The following CDC6 variants were observed in gnomAD, a reference collection of about 807,000 sequenced individuals.
CDC6 encodes the protein DNA replication factor CDC6.
CDC6 carries 46 observed loss-of-function variants against 60.2 expected under a neutral mutation model. The observed-to-expected ratio is 0.76, with a 90% CI of 0.60 to 0.98. CDC6 has a LOEUF of 0.98. Ranked by LOEUF, CDC6 falls within the 50% of genes least tolerant of loss-of-function variation. CDC6 has a pLI of 0.00. For synonymous variants in CDC6, 210 were observed against 233.2 expected (o/e 0.90, Z 0.90); for missense variants, 596 against 652.9 (o/e 0.91, Z 0.95).
Position 40,295,370 on chromosome 17 carries a change from G to C in CDC6, c.1098G>C (p.Gln366His). The C allele has an allele frequency of 6.2e-7, 1 of 1,611,802 alleles. No individual in the cohort carries two copies. The highest frequency in any genetic ancestry group is 8.5e-7 in the Non-Finnish European group (1 of 1,177,998). ...QDRLNQVSRD[Q>H]VLDNAAVQFC... ...CTTGTCTGAAGGTATCTAGAGATCA[G>C]GTTCTGGACAATGCTGCAGTTCAAT... Residue 366 changes from glutamine to histidine, a missense_variant, in exon 8 of 12, where the codon CAG (glutamine) becomes CAC (histidine). Coordinates refer to ENST00000209728, the MANE Select transcript of CDC6 (RefSeq NM_001254.4).
chr17:40,301,496 G>A lies in CDC6; in HGVS notation c.1481G>A (p.Arg494His), dbSNP rs760577823. 1.9e-6 allele frequency: 3 copies of A among 1,613,844 alleles called. No individual in the cohort carries two copies. The highest frequency in any genetic ancestry group is 2.5e-6 in the Non-Finnish European group (3 of 1,179,754). Residue 494 changes from arginine to histidine, a missense_variant, in exon 11 of 12, where the codon CGC becomes CAC. Arg to His is a conservative substitution (Grantham distance 29). Transcript: ENST00000209728. Reference sequence around the variant, plus strand: ...TATGAAGCCTACAGTAAAGTCTGTCGCAAACAGCAGGTGGCGGCTGTGGAC... The same window carrying A: ...TATGAAGCCTACAGTAAAGTCTGTCACAAACAGCAGGTGGCGGCTGTGGAC... ...KLYEAYSKVC[R>H]KQQVAAVDQS... is the part of the protein sequence containing the mutation.
At chr17:40,288,318 G>A (rs940755056) in intron 1 of CDC6, among the ~76,000 whole-genome samples, 8 of 152,208 alleles carry the variant, frequency 5.3e-5, no homozygotes, top group African/African-American at 1.9e-4. Flanking sequence ...GCTTGGGATA[G>A]AAGAGACTAA....
chr17:40,291,395 C>T (rs1217331190), intron 3 of CDC6, 56 bp downstream of exon 3: 3 of 1,610,972 alleles, frequency 1.9e-6, no homozygotes, highest in Non-Finnish European at 1.7e-6. Flanking sequence ...GCTGATGACT[C>T]CAAATGAAAC....
chr17:40,294,101 T>A, intron 6 of CDC6, 45 bp downstream of exon 6: 1 of 1,382,078 alleles, frequency 7.2e-7, no homozygotes. Context: ...CTAAAGTATT[T>A]TTTAAGAATA....
chr17:40,304,011 C>A lies in CDC6; in HGVS notation c.*2010C>A, dbSNP rs1029640803. ...CTTGAGTCAGGAACATGGCTTGACT[C>A]GCAGTGGGGCTGCTATGTATCCTCC... On this transcript the variant is annotated 3_prime_UTR_variant, in exon 12 of 12. Coordinates refer to ENST00000209728, the MANE Select transcript of CDC6 (RefSeq NM_001254.4). 1 of 152,250 alleles carries A rather than the reference C, an allele frequency of 6.6e-6. No homozygotes were observed. The highest frequency in any genetic ancestry group is 1.5e-5 in the Non-Finnish European group (1 of 68,066). 9.4% of individuals were successfully genotyped at this position (152,250 alleles called of 1,614,324 possible).
At chr17:40,290,244 G>C (rs183674848) in intron 2 of CDC6, among the ~76,000 whole-genome samples, 1 of 152,136 alleles carries the variant, frequency 6.6e-6, no homozygotes, top group East Asian at 1.9e-4. Context: ...AAACAAAAAC[G>C]TGACATGATG....
chr17:40,302,997 TG>T lies in CDC6; in HGVS notation c.*997del, dbSNP rs1023091083. On this transcript the variant is annotated 3_prime_UTR_variant, in exon 12 of 12. Transcript: ENST00000209728. Reference sequence around the variant, plus strand: ...TCAATGTGAAAATTCCTTCCTAGGCTGTCCCACAGTCTTTGCTGCCCTTAGA... The same window carrying T: ...TCAATGTGAAAATTCCTTCCTAGGCTTCCCACAGTCTTTGCTGCCCTTAGA... 2.0e-5 allele frequency: 3 copies of T among 152,248 alleles called. No homozygotes were observed. Among genetic ancestry groups the T allele is most frequent in the African/African-American group, 7.2e-5 (3 of 41,478 alleles). The allele number at this position is 152,248 out of a possible 1,614,324, so 9.4% of individuals were successfully genotyped here.
At chr17:40,301,823 A>G in intron 11 of CDC6, 89 bp from the exon 12 acceptor site, 1 of 1,031,324 alleles carries the variant, frequency 9.7e-7, no homozygotes, top group Non-Finnish European at 1.5e-6. Context: ...CTTTTGTGAG[A>G]AAAAGTTTAA....
Position 40,300,245 on chromosome 17 carries a change from T to C in CDC6, c.1250-583T>C, listed in dbSNP as rs578016935. Among the ~76,000 whole-genome samples the C allele has an allele frequency of 3.8e-3, 575 of 152,362 alleles. 5 individuals carry two copies. The highest frequency in any genetic ancestry group is 0.013 in the African/African-American group (552 of 41,580). On this transcript the variant is annotated intron_variant, in intron 9 of 11. Coordinates refer to ENST00000209728, the MANE Select transcript of CDC6 (RefSeq NM_001254.4). ...TCCCAAAGTGCTGGGATTACAGGCG[T>C]GAGCCACTGCACCTGGCCTTTTTTT...
intron 4 of CDC6, among the ~76,000 whole-genome samples, chr17:40,292,967 G>C (rs772611045): frequency 2.0e-5 from 3 of 151,844 alleles, no homozygotes; most frequent in Non-Finnish European, 2.9e-5. Context: ...GGCCTGGTGC[G>C]GTGGCTCACA....
Position 40,296,767 on chromosome 17 carries a change from T to C in CDC6, c.1249T>C (p.Cys417Arg), listed in dbSNP as rs2143096889. The C allele has an allele frequency of 6.3e-7, 1 of 1,581,092 alleles. No individual in the cohort carries two copies. Among genetic ancestry groups the C allele is most frequent in the South Asian group, 1.1e-5 (1 of 90,322 alleles). The change falls in exon 9 of 12, where the codon TGT (cysteine) becomes CGT (arginine). Residue 417 changes from cysteine (C) to arginine (R), a missense_variant and splice_region_variant. Cys to Arg is a radical substitution (Grantham distance 180). Coordinates refer to ENST00000209728, the MANE Select transcript of CDC6 (RefSeq NM_001254.4). The part of the protein sequence containing the change: ...SQTILKPLSE[C>R]KSPSEPLIPK... The stretch of plus-strand genomic sequence containing the variant: ...GACTATTCTCAAACCACTGTCTGAA[T>C]GTAAGTAGTTTATCTCCTTCCTGTC...
chr17:40,297,808 G>T (rs1349097168), intron 9 of CDC6, among the ~76,000 whole-genome samples: 2 of 152,140 alleles, frequency 1.3e-5, no homozygotes, highest in Non-Finnish European at 2.9e-5. Flanking sequence ...TTCAACTTGG[G>T]ATATCTCAAG....
intron 9 of CDC6, among the ~76,000 whole-genome samples, chr17:40,297,258 G>C (rs2032871872): frequency 6.6e-6 from 1 of 152,074 alleles, no homozygotes; most frequent in Non-Finnish European, 1.5e-5. Context: ...GCAATATAGT[G>C]AGACCTTGTT....
chr17:40,289,312 T>C, intron 1 of CDC6, 96 bp from the exon 2 acceptor site: 1 of 965,746 alleles, frequency 1.0e-6, no homozygotes, highest in African/African-American at 1.6e-5. Flanking sequence ...AATTAGGAAA[T>C]AAGTGTTAAT....
At position 40,294,440 on chromosome 17, in the gene CDC6, G is replaced by A. The variant is rs181925915; in HGVS notation, c.1020G>A (p.Leu340=). 146 of 1,613,554 alleles carry A rather than the reference G, an allele frequency of 9.0e-5. No individual in the cohort carries two copies. The highest frequency in any genetic ancestry group is 6.6e-4 in the Middle Eastern group (4 of 6,058). ...CTAGAGAAAAATGTAAGCCACAGCT[G>A]TTGAACTTCCCACCTTATACCAGAA... ...LQAREKCKPQ[L]LNFPPYTRNQ... The change falls in exon 7 of 12, where the codon CTG becomes CTA. Residue 340 remains leucine (L), a synonymous_variant. Transcript: ENST00000209728.
chr17:40,299,933 CAA>C (rs2032913550), intron 9 of CDC6, among the ~76,000 whole-genome samples: 1 of 152,000 alleles, frequency 6.6e-6, no homozygotes, highest in Admixed American at 6.6e-5. Flanking sequence ...TCATTTGATC[CAA>C]AATATTCGGT....
At position 40,294,427 on chromosome 17, in the gene CDC6, G is replaced by A. The variant is rs754950697; in HGVS notation, c.1007G>A (p.Cys336Tyr). Residue 336 changes from cysteine (C) to tyrosine (Y), a missense_variant, in exon 7 of 12, where the codon TGT becomes TAT. Cys to Tyr is a radical substitution (Grantham distance 194). Coordinates refer to ENST00000209728, the MANE Select transcript of CDC6 (RefSeq NM_001254.4). Reference protein sequence around the residue: ...ILPRLQAREKCKPQLLNFPPY... With the variant: ...ILPRLQAREKYKPQLLNFPPY... The stretch of plus-strand genomic sequence containing the variant: ...CCTAGGCTTCAAGCTAGAGAAAAAT[G>A]TAAGCCACAGCTGTTGAACTTCCCA... The A allele has an allele frequency of 7.4e-6, 12 of 1,612,172 alleles. No homozygotes were observed. The highest frequency in any genetic ancestry group is 1.1e-5 in the South Asian group (1 of 91,054).
At chr17:40,299,418 TCCCTCCA>T (rs1202706936) in intron 9 of CDC6, among the ~76,000 whole-genome samples, 7 of 151,418 alleles carry the variant, frequency 4.6e-5, no homozygotes. Flanking sequence ...CCTGATCCTC[TCCCTCCA>T]CCCTCCTATA....
intron 1 of CDC6, 159 bp from the exon 2 acceptor site, chr17:40,289,248 TG>T: frequency 1.5e-6 from 1 of 663,828 alleles, no homozygotes; most frequent in Non-Finnish European, 2.6e-6. Flanking sequence ...CAGCTGTTCT[TG>T]CATAGATTTG....
Sources: gnomAD v4.1 joint callset for allele counts (sites outside exome capture counted in the v4.1 genomes callset) on GRCh38, gnomAD v4.1.1 for gene constraint, MANE v1.5 for transcripts, NCBI Gene and HGNC (gene_info 2026-07-23, HGNC 2026-07-21) for gene names.